The following MAP3K13 variants were observed in gnomAD, a reference collection of about 807,000 sequenced individuals.
MAP3K13 encodes mitogen-activated protein kinase kinase kinase 13.
In MAP3K13, 52 loss-of-function variants were observed where a neutral mutation model predicts 104.0. The observed-to-expected ratio is 0.50, with a 90% CI of 0.40 to 0.63. The LOEUF is 0.63. Among genes scored for constraint, MAP3K13 ranks in the 20% least tolerant of loss-of-function variants. The pLI, the probability that MAP3K13 is intolerant of heterozygous loss-of-function variation, is 0.00. For synonymous variants in MAP3K13, 394 were observed against 442.2 expected (o/e 0.89, Z 1.37); for missense variants, 914 against 1,218.5 (o/e 0.75, Z 3.72).
In MAP3K13 at chr3:185,459,375, TTTG is replaced by T. The variant is rs536937198; in HGVS notation, c.1279-4166_1279-4164del. Among the ~76,000 whole-genome samples, 259 of 152,202 alleles carry T rather than the reference TTTG, an allele frequency of 1.7e-3. 1 individual carries two copies. Among genetic ancestry groups the T allele is most frequent in the African/African-American group, 4.9e-3 (203 of 41,530 alleles). ...AGGCTGGAACTGGCTCAATTTCTTT[TTTG>T]TTGTTGTTATTTACTTTTTAAAAAG... On this transcript the variant is annotated intron_variant, in intron 7 of 13. Transcript: ENST00000265026.
chr3:185,390,223 G>A (rs1711960989), intron 1 of MAP3K13, among the ~76,000 whole-genome samples: 1 of 152,166 alleles, frequency 6.6e-6, no homozygotes. Flanking sequence ...TGGATTTAGT[G>A]TGTGCCAGAC....
At chr3:185,404,432 G>C (rs1712990334) in intron 1 of MAP3K13, among the ~76,000 whole-genome samples, 1 of 152,182 alleles carries the variant, frequency 6.6e-6, no homozygotes, top group Admixed American at 6.5e-5. Context: ...TGATGGCAAA[G>C]TTTACACTTG....
At chr3:185,404,587 A>T (rs1713001725) in intron 1 of MAP3K13, among the ~76,000 whole-genome samples, 1 of 152,102 alleles carries the variant, frequency 6.6e-6, no homozygotes, top group Non-Finnish European at 1.5e-5. Flanking sequence ...TTTTTTAAAA[A>T]TTTTTTCAAG....
At chr3:185,367,829 C>G (rs1723961966) in intron 1 of MAP3K13, among the ~76,000 whole-genome samples, 1 of 152,212 alleles carries the variant, frequency 6.6e-6, no homozygotes, top group Non-Finnish European at 1.5e-5. Flanking sequence ...CTCCTGTGCT[C>G]AAGTGATCCT....
intron 2 of MAP3K13, among the ~76,000 whole-genome samples, chr3:185,319,380 C>T (rs1010365303): frequency 9.9e-5 from 15 of 152,236 alleles, no homozygotes; most frequent in Non-Finnish European, 1.5e-4. Flanking sequence ...CCTAACCTTT[C>T]TTGTGTCACG....
intron 1 of MAP3K13, among the ~76,000 whole-genome samples, chr3:185,416,246 G>A (rs376323857): frequency 2.0e-4 from 30 of 151,998 alleles, no homozygotes; most frequent in African/African-American, 7.0e-4. Flanking sequence ...ACTTTCCTAA[G>A]GAAAAGCTTA....
intron 2 of MAP3K13, among the ~76,000 whole-genome samples, chr3:185,357,447 T>TAAAAAAAAAAAAAAAAA (rs71162295): frequency 3.7e-4 from 34 of 91,268 alleles, no homozygotes; most frequent in East Asian, 8.5e-4. Flanking sequence ...AAACTCCATC[T>TAAAAAAAAAAAAAAAAA]AAAAAAAAAA....
At chr3:185,465,957 G>C in intron 9 of MAP3K13, 94 bp downstream of exon 9, 1 of 925,896 alleles carries the variant, frequency 1.1e-6, no homozygotes, top group Non-Finnish European at 1.8e-6. Flanking sequence ...CTCAGAACTG[G>C]CAGATATTTT....
chr3:185,345,570 T>C (rs1046467652), intron 2 of MAP3K13, among the ~76,000 whole-genome samples: 1 of 152,174 alleles, frequency 6.6e-6, no homozygotes, highest in Non-Finnish European at 1.5e-5. Context: ...TAGATTTTCA[T>C]AGGAGCAGGA....
chr3:185,430,639 C>T (rs1304106468), intron 2 of MAP3K13, among the ~76,000 whole-genome samples: 1 of 152,076 alleles, frequency 6.6e-6, no homozygotes, highest in South Asian at 2.1e-4. Flanking sequence ...TCTTGTATAA[C>T]CTCATTAATA....
chr3:185,435,079 C>T (rs1401962775), intron 2 of MAP3K13, among the ~76,000 whole-genome samples: 1 of 152,050 alleles, frequency 6.6e-6, no homozygotes, highest in Admixed American at 6.6e-5. Flanking sequence ...TCTCAGCTCA[C>T]TGAAACCTCT....
intron 2 of MAP3K13, chr3:185,291,923 A>AAT: frequency 9.1e-7 from 1 of 1,097,894 alleles, no homozygotes; most frequent in Non-Finnish European, 1.1e-6. Flanking sequence ...AAAAAAAAAA[A>AAT]TGTGTTCTGT....
At chr3:185,342,966 G>A (rs1722774070) in intron 2 of MAP3K13, among the ~76,000 whole-genome samples, 2 of 152,088 alleles carry the variant, frequency 1.3e-5, no homozygotes, top group Admixed American at 6.5e-5. Context: ...TTGTAGTACC[G>A]AGAACTACAG....
rs767123818 is a variant in MAP3K13, at chr3:185,428,772, TCAC to T, written c.195_197del (p.Thr67del). 6.2e-7 allele frequency: 1 copy of T among 1,614,134 alleles called. No homozygotes were observed. Among genetic ancestry groups the T allele is most frequent in the Admixed American group, 1.7e-5 (1 of 60,018 alleles). ...CTAATCGAGAGCGTGCACAGCCCCG[TCAC>T]CACAACAGTGTTGACGAGCGTAAGT... is the stretch of plus-strand genomic sequence containing the variant. On this transcript the variant is annotated inframe_deletion, in exon 2 of 14. Coordinates refer to ENST00000265026, the MANE Select transcript of MAP3K13 (RefSeq NM_004721.5).
chr3:185,312,591 G>A (rs6444047), intron 2 of MAP3K13, among the ~76,000 whole-genome samples: 118,183 of 152,174 alleles, frequency 0.78, 46,441 homozygotes, highest in Non-Finnish European at 0.84. Flanking sequence ...AAATGCAATC[G>A]GGGCACTTCT....
At chr3:185,291,903 CAAA>C (rs139816082) in intron 2 of MAP3K13, 2,414 of 902,264 alleles carry the variant, frequency 2.7e-3, no homozygotes, top group East Asian at 9.9e-3. Context: ...CAGTGCTTTC[CAAA>C]AAAAAAAAAA....
chr3:185,455,843 GAGATATAT>G (rs1716683646), intron 7 of MAP3K13, among the ~76,000 whole-genome samples: 1 of 107,790 alleles, frequency 9.3e-6, no homozygotes, highest in Admixed American at 1.2e-4. Flanking sequence ...ATATATATAT[GAGATATAT>G]ATGAGATATA....
At chr3:185,427,910 C>A (rs1262505644) in intron 1 of MAP3K13, among the ~76,000 whole-genome samples, 2 of 152,182 alleles carry the variant, frequency 1.3e-5, no homozygotes, top group East Asian at 3.9e-4. Context: ...GAAACCCTGT[C>A]TCTATTAAAA....
At chr3:185,289,397 A>C (rs1205161600) in intron 2 of MAP3K13, among the ~76,000 whole-genome samples, 1 of 152,148 alleles carries the variant, frequency 6.6e-6, no homozygotes, top group South Asian at 2.1e-4. Flanking sequence ...TCTTATTCCT[A>C]TATTTAAATA....
Sources: allele counts gnomAD v4.1 joint callset (sites outside exome capture counted in the v4.1 genomes callset), GRCh38; gene constraint gnomAD v4.1.1; transcripts MANE v1.5; gene names NCBI Gene and HGNC (gene_info 2026-07-23, HGNC 2026-07-21).